HECW2: variants seen among roughly 807,000 people sequenced by gnomAD.
The protein encoded by HECW2 is HECT, C2 and WW domain containing E3 ubiquitin protein ligase 2.
In HECW2, 61 loss-of-function variants were observed where a neutral mutation model predicts 175.2. The ratio of observed to expected loss-of-function variants is 0.35; its 90% CI spans 0.28 to 0.43. The LOEUF is 0.43. Among genes scored for constraint, HECW2 ranks in the 20% least tolerant of loss-of-function variants. The pLI, the probability that HECW2 is intolerant of heterozygous loss-of-function variation, is 1.00. For synonymous variants in HECW2, 671 were observed against 731.0 expected (o/e 0.92, Z 1.32); for missense variants, 1,524 against 2,000.5 (o/e 0.76, Z 4.54).
rs1686739964 is a variant in HECW2, at chr2:196,197,851, T to G, written c.*3426A>C. The G allele has an allele frequency of 6.6e-6, 1 of 152,218 alleles. No individual in the cohort carries two copies. Among genetic ancestry groups the G allele is most frequent in the Admixed American group, 6.5e-5 (1 of 15,282 alleles). 9.4% of individuals were successfully genotyped at this position (152,218 alleles called of 1,614,324 possible). ...AACGGACGATGTACCTGACAGCACT[T>G]TGAAACTATAAAGCACTATGCAAGC... is the stretch of plus-strand genomic sequence containing the variant. On this transcript the variant is annotated 3_prime_UTR_variant, in exon 29 of 29. Transcript: ENST00000644978.
chr2:196,444,806 A>T (rs1298791417), intron 1 of HECW2, among the ~76,000 whole-genome samples: 1 of 152,232 alleles, frequency 6.6e-6, no homozygotes, highest in African/African-American at 2.4e-5. Flanking sequence ...CCAGGTGAGT[A>T]GCAAGGAAGG....
intron 2 of HECW2, among the ~76,000 whole-genome samples, chr2:196,422,360 C>A (rs1278367402): frequency 1.3e-5 from 2 of 152,052 alleles, no homozygotes; most frequent in Non-Finnish European, 2.9e-5. Flanking sequence ...GAGCTCTGAG[C>A]CGAAGTGAAA....
At chr2:196,307,713 G>A (rs1050757502) in intron 11 of HECW2, among the ~76,000 whole-genome samples, 2 of 151,972 alleles carry the variant, frequency 1.3e-5, no homozygotes, top group African/African-American at 4.8e-5. Flanking sequence ...TTATTTATTT[G>A]TTCTCTAGTT....
intron 3 of HECW2, among the ~76,000 whole-genome samples, chr2:196,336,960 C>T (rs1692570564): frequency 1.3e-5 from 2 of 151,894 alleles, no homozygotes; most frequent in Admixed American, 1.3e-4. Context: ...CAGTCCTGGA[C>T]AGAATGAGGA....
At chr2:196,304,047 C>A (rs1466756026) in intron 13 of HECW2, among the ~76,000 whole-genome samples, 1 of 152,172 alleles carries the variant, frequency 6.6e-6, no homozygotes, top group East Asian at 1.9e-4. Flanking sequence ...TGCATAACAG[C>A]TAGAAGGAAC....
At chr2:196,548,822 T>C (rs1689512533) in intron 1 of HECW2, among the ~76,000 whole-genome samples, 1 of 152,208 alleles carries the variant, frequency 6.6e-6, no homozygotes, top group Admixed American at 6.5e-5. Flanking sequence ...CCTTGGCTTA[T>C]AGGTGGCGGT....
chr2:196,329,877 T>C (rs1055111012), intron 4 of HECW2, among the ~76,000 whole-genome samples: 3 of 152,216 alleles, frequency 2.0e-5, no homozygotes, highest in Non-Finnish European at 2.9e-5. Flanking sequence ...AGCTTCAAAA[T>C]TTCCAATAAC....
chr2:196,241,250 C>A (rs139230057), intron 20 of HECW2, among the ~76,000 whole-genome samples: 20 of 152,308 alleles, frequency 1.3e-4, no homozygotes, highest in African/African-American at 4.3e-4. Flanking sequence ...ACAGCTGGAT[C>A]ATCCTAGACC....
intron 19 of HECW2, 95 bp downstream of exon 19, chr2:196,253,825 G>T: frequency 1.8e-6 from 2 of 1,119,542 alleles, no homozygotes; most frequent in Non-Finnish European, 2.7e-6. Context: ...TGTACCTGAA[G>T]TGTTCCCTTA....
chr2:196,274,591 T>C (rs970197340), intron 15 of HECW2, among the ~76,000 whole-genome samples: 2 of 152,078 alleles, frequency 1.3e-5, no homozygotes, highest in African/African-American at 4.8e-5. Context: ...AGAGGAGGGG[T>C]TGAAGAGCAG....
At chr2:196,396,964 A>T (rs886615789) in intron 2 of HECW2, among the ~76,000 whole-genome samples, 4 of 151,578 alleles carry the variant, frequency 2.6e-5, no homozygotes, top group African/African-American at 9.7e-5. Flanking sequence ...ACAAAAAAAA[A>T]TAGCCAGGCG....
In HECW2 at chr2:196,498,131, C is replaced by A. The variant is rs538144017; in HGVS notation, c.-35-64673G>T. Among the ~76,000 whole-genome samples, 4 of 152,332 alleles carry A rather than the reference C, an allele frequency of 2.6e-5. No individual in the cohort carries two copies. In the East Asian group the frequency reaches 5.8e-4, roughly 22 times the overall value. On this transcript the variant is annotated intron_variant, in intron 1 of 28. Coordinates refer to ENST00000644978, the MANE Select transcript of HECW2 (RefSeq NM_001348768.2). ...GAAAGCTCTTCCTTGGCCCCTACAG[C>A]ACCAACTAACCAGTAAGGTAAAAGC...
At chr2:196,525,639 T>G (rs377073470) in intron 1 of HECW2, among the ~76,000 whole-genome samples, 8 of 149,054 alleles carry the variant, frequency 5.4e-5, no homozygotes, top group African/African-American at 2.0e-4. Context: ...CCATGTTTAG[T>G]GCTTCCTTCA....
In HECW2 at chr2:196,204,516, A is replaced by G. The variant is rs145657261; in HGVS notation, c.4608-3128T>C. Among the ~76,000 whole-genome samples the G allele has an allele frequency of 4.0e-3, 613 of 152,304 alleles. 2 individuals carry two copies. Among genetic ancestry groups the G allele is most frequent in the African/African-American group, 0.014 (573 of 41,566 alleles). ...AGGAATGAATGCTGCCAACAACCCA[A>G]GGGAACTTGGAAGCAGATTCTTCCC... On this transcript the variant is annotated intron_variant, in intron 28 of 28. Coordinates refer to ENST00000644978, the MANE Select transcript of HECW2 (RefSeq NM_001348768.2).
At chr2:196,383,112 A>T (rs988383663) in intron 2 of HECW2, among the ~76,000 whole-genome samples, 1 of 152,186 alleles carries the variant, frequency 6.6e-6, no homozygotes, top group Non-Finnish European at 1.5e-5. Flanking sequence ...CCAGATATAG[A>T]TAAGTTGAAG....
At chr2:196,317,214 T>C (rs2105748111) in intron 10 of HECW2, 60 bp downstream of exon 10, 1 of 1,275,966 alleles carries the variant, frequency 7.8e-7, no homozygotes, top group South Asian at 1.3e-5. Context: ...TGGGAATGGG[T>C]CTGCCTGTCA....
intron 17 of HECW2, among the ~76,000 whole-genome samples, chr2:196,260,955 A>C (rs941372212): frequency 6.6e-6 from 1 of 152,188 alleles, no homozygotes; most frequent in African/African-American, 2.4e-5. Context: ...GATGAGATGG[A>C]TGACATTTAT....
chr2:196,307,926 C>T lies in HECW2; in HGVS notation c.2585+9G>A. Reference sequence around the variant, plus strand: ...AATACAACAGTCACAGCAAAATGTTCATCCTCACCGCCGGTTCAGCTGCTC... The same window carrying T: ...AATACAACAGTCACAGCAAAATGTTTATCCTCACCGCCGGTTCAGCTGCTC... On this transcript the variant is annotated intron_variant, in intron 11 of 28. Transcript: ENST00000644978. 1 of 1,516,640 alleles carries T rather than the reference C, an allele frequency of 6.6e-7. No homozygotes were observed. 93.9% of individuals were successfully genotyped at this position (1,516,640 alleles called of 1,614,324 possible). A position where few individuals can be genotyped will look rare whatever the true frequency, so the allele number is the denominator to read the frequency against.
chr2:196,340,595 CAAAAAAAAAAAAAAA>C (rs3082071), intron 3 of HECW2, among the ~76,000 whole-genome samples: 1 of 66,914 alleles, frequency 1.5e-5, no homozygotes, highest in South Asian at 7.0e-4. Flanking sequence ...GACTCCGTCT[CAAAAAAAAAAAAAAA>C]AAAAAAAAAA....
Sources: gnomAD v4.1 joint callset for allele counts (sites outside exome capture counted in the v4.1 genomes callset) on GRCh38, gnomAD v4.1.1 for gene constraint, MANE v1.5 for transcripts, NCBI Gene and HGNC (gene_info 2026-07-23, HGNC 2026-07-21) for gene names.